The following NUGGC variants were observed in gnomAD, a reference collection of about 807,000 sequenced individuals.
NUGGC encodes the protein nuclear GTPase, germinal center associated, also known as nuclear GTPase SLIP-GC.
Under a neutral mutation model 92.6 loss-of-function variants are expected in NUGGC, and 58 were observed. That is an observed-to-expected ratio of 0.63 (90% CI 0.51 to 0.78). The LOEUF (loss-of-function observed/expected upper bound fraction) is 0.78, where lower values mean the gene tolerates loss of function less well. NUGGC is among the 30% of genes least tolerant of loss of function. NUGGC has a pLI of 0.00. For synonymous variants in NUGGC, 376 were observed against 366.4 expected, an observed-to-expected ratio of 1.03 and a Z score of -0.30; for missense variants, 925 against 964.6, an observed-to-expected ratio of 0.96 and a Z score of 0.54.
At chr8:28,069,464 C>T (rs1585598465) in intron 4 of NUGGC, 80 bp downstream of exon 4, 1 of 717,034 alleles carries the variant, frequency 1.4e-6, no homozygotes, top group Non-Finnish European at 2.5e-6. Context: ...TAGTCCCTTT[C>T]CTTGTTGGGG....
intron 13 of NUGGC, among the ~76,000 whole-genome samples, chr8:28,034,673 C>T (rs754539365): frequency 2.6e-5 from 4 of 151,900 alleles, no homozygotes; most frequent in Non-Finnish European, 5.9e-5. Context: ...AAAAATTAGC[C>T]AGGCATGGTG....
At chr8:28,023,814 C>T (rs563239119) in intron 18 of NUGGC, among the ~76,000 whole-genome samples, 1 of 152,298 alleles carries the variant, frequency 6.6e-6, no homozygotes, top group South Asian at 2.1e-4. Context: ...CCCTATCCTC[C>T]CAGCACAACC....
At chr8:28,066,085 C>T (rs1054790354) in intron 6 of NUGGC, among the ~76,000 whole-genome samples, 3 of 152,094 alleles carry the variant, frequency 2.0e-5, no homozygotes, top group East Asian at 1.9e-4. Flanking sequence ...TGTTTCCGTG[C>T]GTAAATTTAT....
At chr8:28,083,128 A>G (rs1405814226) in intron 1 of NUGGC, among the ~76,000 whole-genome samples, 2 of 152,174 alleles carry the variant, frequency 1.3e-5, no homozygotes, top group African/African-American at 4.8e-5. Flanking sequence ...CTTCTTTCCA[A>G]AGAGAACACG....
At chr8:28,057,095 GA>G (rs1290325326) in intron 9 of NUGGC, among the ~76,000 whole-genome samples, 4 of 152,080 alleles carry the variant, frequency 2.6e-5, no homozygotes, top group Non-Finnish European at 5.9e-5. Context: ...AACACCATCG[GA>G]CCCATGTGAA....
At chr8:28,023,630 T>C (rs1254785047) in intron 18 of NUGGC, among the ~76,000 whole-genome samples, 168 bp from the exon 19 acceptor site, 1 of 152,142 alleles carries the variant, frequency 6.6e-6, no homozygotes, top group Non-Finnish European at 1.5e-5. Flanking sequence ...CAGAAAGCTT[T>C]CTCAGCATGG....
chr8:28,039,562 A>G (rs1366033223), intron 13 of NUGGC, among the ~76,000 whole-genome samples: 2 of 152,164 alleles, frequency 1.3e-5, no homozygotes, highest in African/African-American at 4.8e-5. Context: ...GCTTTTACAC[A>G]AAGCACACAG....
chr8:28,034,242 G>GT (rs35514876), intron 13 of NUGGC, among the ~76,000 whole-genome samples: 3 of 152,198 alleles, frequency 2.0e-5, no homozygotes, highest in Admixed American at 6.5e-5. Flanking sequence ...TCTTGGCGAT[G>GT]TTTTTTTCCC....
chr8:28,055,266 A>AATG (rs752664826), intron 10 of NUGGC, among the ~76,000 whole-genome samples: 1 of 152,014 alleles, frequency 6.6e-6, no homozygotes, highest in Non-Finnish European at 1.5e-5. Context: ...AAATAATAAT[A>AATG]ATAAAATAAA....
rs568739858 is a variant in NUGGC at position 28,064,653 on chromosome 8, G to A, written c.790C>T (p.Arg264Cys). Residue 264 changes from arginine (R) to cysteine (C), a missense_variant, in exon 7 of 19, where the codon CGC (arginine) becomes TGC (cysteine). Arg to Cys is a radical substitution (Grantham distance 180, BLOSUM62 -3). Transcript: ENST00000413272. ...RDWDGEAAEM[R>C]IWPLIKHVEV... ...ACATGTTTGATCAAGGGCCAGATGC[G>A]CATCTCAGCGGCCTCTCCATCCCAA... 142 of 1,613,966 alleles carry A rather than the reference G, an allele frequency of 8.8e-5. No homozygotes were observed. The highest frequency in any genetic ancestry group is 1.0e-4 in the Non-Finnish European group (123 of 1,179,854).
At chr8:28,057,179 T>A (rs555919432) in intron 9 of NUGGC, among the ~76,000 whole-genome samples, 1 of 152,296 alleles carries the variant, frequency 6.6e-6, no homozygotes, top group South Asian at 2.1e-4. Flanking sequence ...TTGAATCGCT[T>A]CATATGTGCC....
intron 1 of NUGGC, among the ~76,000 whole-genome samples, chr8:28,075,629 C>A (rs1417338471): frequency 6.6e-6 from 1 of 152,190 alleles, no homozygotes; most frequent in African/African-American, 2.4e-5. Flanking sequence ...GCAAAATCAC[C>A]TTTGATCTGT....
chr8:28,046,874 G>A (rs1336561130), intron 11 of NUGGC, among the ~76,000 whole-genome samples: 1 of 150,654 alleles, frequency 6.6e-6, no homozygotes, highest in Non-Finnish European at 1.5e-5. Flanking sequence ...TCACCATATT[G>A]GTCAGGTTGG....
intron 12 of NUGGC, among the ~76,000 whole-genome samples, chr8:28,044,000 T>TTGA (rs550842782): frequency 1.2e-3 from 182 of 152,302 alleles, no homozygotes; most frequent in African/African-American, 4.3e-3. Context: ...TTTTGCTCTA[T>TTGA]ATGCCCCTTT....
At chr8:28,032,697 G>C (rs552386069) in intron 14 of NUGGC, among the ~76,000 whole-genome samples, 1 of 150,306 alleles carries the variant, frequency 6.7e-6, no homozygotes. Context: ...CTCCAGCCTG[G>C]GCGACAGAGC....
chr8:28,070,819 A>AATATAT (rs200095027), intron 2 of NUGGC, among the ~76,000 whole-genome samples: 1 of 148,546 alleles, frequency 6.7e-6, no homozygotes, highest in Non-Finnish European at 1.5e-5. Context: ...ACTTACCAAA[A>AATATAT]ATATATATAT....
At chr8:28,060,352 A>T (rs1585587277) in intron 8 of NUGGC, 74 bp downstream of exon 8, 6 of 1,404,546 alleles carry the variant, frequency 4.3e-6, no homozygotes, top group Non-Finnish European at 6.0e-6. Context: ...GTCAAGCTCC[A>T]TGCTACTGTA....
At chr8:28,050,168 C>T (rs771852498) in intron 10 of NUGGC, among the ~76,000 whole-genome samples, 11 of 151,842 alleles carry the variant, frequency 7.2e-5, no homozygotes, top group South Asian at 4.2e-4. Flanking sequence ...GGCAAATCAC[C>T]GGAGGTCTGG....
In NUGGC at chr8:28,060,711, C is replaced by T. The variant is rs890076937; in HGVS notation, c.922-110G>A. 2.3e-5 allele frequency: 19 copies of T among 826,556 alleles called. No homozygotes were observed. The East Asian group carries it at 3.0e-4, about 13-fold the overall frequency. The allele number at this position is 826,556 out of a possible 1,614,324, so 51.2% of individuals were successfully genotyped here. A position where few individuals can be genotyped will look rare whatever the true frequency, so the allele number is the denominator to read the frequency against. ...CTCTCCCTCCAGTCCCACCCCTCAC[C>T]GCTCCCCACCGCACTCTGTGCACTA... On this transcript the variant is annotated intron_variant, in intron 7 of 18. Coordinates refer to ENST00000413272, the MANE Select transcript of NUGGC (RefSeq NM_001010906.2).
Sources: allele counts gnomAD v4.1 joint callset (sites outside exome capture counted in the v4.1 genomes callset), GRCh38; gene constraint gnomAD v4.1.1; transcripts MANE v1.5; gene names NCBI Gene and HGNC (gene_info 2026-07-23, HGNC 2026-07-21).